The following RABGAP1L variants were observed in gnomAD, a reference collection of about 807,000 sequenced individuals.
RABGAP1L encodes the protein rab GTPase-activating protein 1-like.
Under a neutral mutation model 137.7 loss-of-function variants are expected in RABGAP1L, and 63 were observed. The observed-to-expected ratio is 0.46, with a 90% CI of 0.37 to 0.56. The LOEUF is 0.56. Among genes scored for constraint, RABGAP1L ranks in the 20% least tolerant of loss-of-function variants. The pLI, the probability that RABGAP1L is intolerant of heterozygous loss-of-function variation, is 0.00. For missense variants in RABGAP1L, 1,095 were observed against 1,244.0 expected, an observed-to-expected ratio of 0.88 and a Z score of 1.80; for synonymous variants, 431 against 433.7, an observed-to-expected ratio of 0.99 and a Z score of 0.08.
intron 12 of RABGAP1L, among the ~76,000 whole-genome samples, chr1:174,380,565 T>G (rs907529270): frequency 1.3e-5 from 2 of 152,160 alleles, no homozygotes; most frequent in African/African-American, 4.8e-5. Context: ...GATTTTCTAG[T>G]TTATTTGCGT....
intron 13 of RABGAP1L, among the ~76,000 whole-genome samples, chr1:174,588,643 T>C (rs561595635): frequency 6.6e-6 from 1 of 152,322 alleles, no homozygotes; most frequent in Non-Finnish European, 1.5e-5. Context: ...ATCATTATAT[T>C]CTCCATCTCC....
At chr1:174,844,042 G>C (rs1693783445) in intron 19 of RABGAP1L, among the ~76,000 whole-genome samples, 1 of 150,470 alleles carries the variant, frequency 6.6e-6, no homozygotes, top group South Asian at 2.1e-4. Flanking sequence ...AGAAGTGTCT[G>C]TTCATGTCCT....
intron 13 of RABGAP1L, among the ~76,000 whole-genome samples, chr1:174,435,196 T>C (rs190328477): frequency 2.0e-5 from 3 of 152,230 alleles, no homozygotes; most frequent in Admixed American, 6.5e-5. Context: ...AATTTTGTTT[T>C]TGGTACGAAC....
intron 10 of RABGAP1L, among the ~76,000 whole-genome samples, chr1:174,293,588 C>G (rs774471509): frequency 6.6e-6 from 1 of 152,046 alleles, no homozygotes; most frequent in East Asian, 1.9e-4. Flanking sequence ...TAATAAGATT[C>G]TTTCCTTTAG....
intron 4 of RABGAP1L, among the ~76,000 whole-genome samples, chr1:174,231,739 C>T (rs571629566): frequency 8.5e-5 from 13 of 152,180 alleles, no homozygotes; most frequent in African/African-American, 1.2e-4. Context: ...AATTGTCTTA[C>T]GTGGCAGGAG....
chr1:174,758,471 C>T (rs1684950897), intron 18 of RABGAP1L, among the ~76,000 whole-genome samples: 1 of 152,040 alleles, frequency 6.6e-6, no homozygotes, highest in Admixed American at 6.6e-5. Context: ...TTCTGAGTCT[C>T]CAATGTCCAT....
At chr1:174,958,176 A>G (rs910942085) in intron 20 of RABGAP1L, 4 of 1,424,950 alleles carry the variant, frequency 2.8e-6, no homozygotes, top group Non-Finnish European at 3.7e-6. Flanking sequence ...TCACAAAGGT[A>G]TATTGAGCAC....
intron 13 of RABGAP1L, among the ~76,000 whole-genome samples, chr1:174,506,985 C>T (rs1374792095): frequency 6.6e-6 from 1 of 152,140 alleles, no homozygotes; most frequent in African/African-American, 2.4e-5. Flanking sequence ...GAGGCGCGTG[C>T]CTGTGGTCCC....
intron 11 of RABGAP1L, among the ~76,000 whole-genome samples, chr1:174,327,113 A>C (rs1680499495): frequency 6.6e-6 from 1 of 152,214 alleles, no homozygotes; most frequent in Admixed American, 6.5e-5. Context: ...ACATGAAAAA[A>C]ATCTGAAGAT....
chr1:174,691,910 G>A (rs925904799), intron 15 of RABGAP1L, among the ~76,000 whole-genome samples: 1 of 152,050 alleles, frequency 6.6e-6, no homozygotes, highest in African/African-American at 2.4e-5. Flanking sequence ...GTACAACCTA[G>A]CATTGCATCT....
intron 13 of RABGAP1L, among the ~76,000 whole-genome samples, chr1:174,533,601 T>A (rs1664626563): frequency 1.3e-5 from 2 of 152,226 alleles, no homozygotes; most frequent in Non-Finnish European, 2.9e-5. Flanking sequence ...TTAGAGTTTC[T>A]TTTCTCTAGC....
chr1:174,404,116 G>A (rs932261308), intron 13 of RABGAP1L, among the ~76,000 whole-genome samples: 18 of 152,088 alleles, frequency 1.2e-4, no homozygotes, highest in Non-Finnish European at 2.5e-4. Context: ...TCCAGCCTAG[G>A]GAAAGCCAGG....
At chr1:174,848,261 T>C (rs1334741318) in intron 19 of RABGAP1L, among the ~76,000 whole-genome samples, 144 of 93,174 alleles carry the variant, frequency 1.5e-3, no homozygotes, top group Non-Finnish European at 2.6e-3. Flanking sequence ...CTTTGTTCCG[T>C]TGCTGGTGAG....
At chr1:174,163,629 A>C (rs1449731149) in intron 1 of RABGAP1L, among the ~76,000 whole-genome samples, 2 of 151,732 alleles carry the variant, frequency 1.3e-5, no homozygotes, top group Non-Finnish European at 2.9e-5. Context: ...AAAAAAACCC[A>C]ACAACAACAC....
chr1:174,975,125 G>A (rs1670534114), intron 21 of RABGAP1L, among the ~76,000 whole-genome samples: 1 of 152,230 alleles, frequency 6.6e-6, no homozygotes. Context: ...TACTTAGGGA[G>A]CACCTATTCT....
chr1:174,421,775 G>A (rs550116952), intron 13 of RABGAP1L, among the ~76,000 whole-genome samples: 1 of 152,164 alleles, frequency 6.6e-6, no homozygotes, highest in South Asian at 2.1e-4. Flanking sequence ...TGTTTTGTGT[G>A]TTTTTGTTTT....
At position 174,530,827 on chromosome 1, in the gene RABGAP1L, ATACATACATACG is replaced by A. The variant is rs757046954; in HGVS notation, c.1711-106544_1711-106533del. On this transcript the variant is annotated intron_variant, in intron 13 of 25. Coordinates refer to ENST00000681986, the MANE Select transcript of RABGAP1L (RefSeq NM_001366446.1). ...CATACATACATACATACATACATAC[ATACATACATACG>A]TACGTTTGTGTAGGGAACATGCAGG... Among the ~76,000 whole-genome samples, 317 of 114,844 alleles carry A rather than the reference ATACATACATACG, an allele frequency of 2.8e-3. 1 individual carries two copies. Among genetic ancestry groups the A allele is most frequent in the African/African-American group, 7.3e-3 (95 of 13,098 alleles). The allele number at this position is 114,844 out of a possible 152,430, so 75.3% of individuals were successfully genotyped here. A position where few individuals can be genotyped will look rare whatever the true frequency, so the allele number is the denominator to read the frequency against.
In RABGAP1L at chr1:174,250,603, A is replaced by G; in HGVS notation, c.846A>G (p.Val282=). The part of the protein sequence containing the change: ...DVFTFSVSLE[V]KEDDGKGNFS... ...TTACCTTCAGTGTCTCCTTGGAGGTAAAAGAAGACGATGGAAAAGGAAACT... is the reference window on the plus strand; with the variant it reads ...TTACCTTCAGTGTCTCCTTGGAGGTGAAAGAAGACGATGGAAAAGGAAACT... The change falls in exon 6 of 26, where the codon GTA becomes GTG. Residue 282 remains valine (V), a synonymous_variant. Transcript: ENST00000681986. 2.5e-6 allele frequency: 4 copies of G among 1,613,280 alleles called. No individual in the cohort carries two copies. The highest frequency in any genetic ancestry group is 3.4e-6 in the Non-Finnish European group (4 of 1,179,736).
At chr1:174,801,051 C>G (rs1397503998) in intron 18 of RABGAP1L, among the ~76,000 whole-genome samples, 1 of 152,150 alleles carries the variant, frequency 6.6e-6, no homozygotes, top group Non-Finnish European at 1.5e-5. Flanking sequence ...CAGCTTAAAG[C>G]TGCTGGCTTC....
Sources: allele counts gnomAD v4.1 joint callset (sites outside exome capture counted in the v4.1 genomes callset), GRCh38; gene constraint gnomAD v4.1.1; transcripts MANE v1.5; gene names NCBI Gene and HGNC (gene_info 2026-07-23, HGNC 2026-07-21).